CDH23: variants seen among roughly 807,000 people sequenced by gnomAD.
The protein encoded by CDH23 is cadherin-23.
Under a neutral mutation model 317.1 loss-of-function variants are expected in CDH23, and 189 were observed. The ratio of observed to expected loss-of-function variants is 0.60; its 90% confidence interval spans 0.53 to 0.67. CDH23 has a LOEUF of 0.67. Among genes scored for constraint, CDH23 ranks in the 30% least tolerant of loss-of-function variants. CDH23 has a pLI of 0.00. For missense variants in CDH23, 4,401 were observed against 4,592.4 expected (o/e 0.96, Z 1.20); for synonymous variants, 1,839 against 1,876.8 (o/e 0.98, Z 0.52).
intron 11 of CDH23, among the ~76,000 whole-genome samples, chr10:71,631,289 A>T (rs1167686885): frequency 6.6e-6 from 1 of 152,200 alleles, no homozygotes; most frequent in Non-Finnish European, 1.5e-5. Flanking sequence ...AGCTGGGTTC[A>T]CTTGGGAAAG....
chr10:71,469,465 C>T (rs755498517), intron 3 of CDH23, among the ~76,000 whole-genome samples: 2 of 152,190 alleles, frequency 1.3e-5, no homozygotes, highest in Non-Finnish European at 2.9e-5. Flanking sequence ...TTGTGTATAA[C>T]CACAGTTTAT....
Position 71,637,275 on chromosome 10 carries a change from C to G in CDH23, c.1135-6586C>G, listed in dbSNP as rs370531872. On this transcript the variant is annotated intron_variant, in intron 11 of 69. Transcript: ENST00000224721. ...ACGCCCAGGGTGGGACTGGTGGGTC[C>G]CGTCACCCAAGCCTTTGCCCTTCTC... Among the ~76,000 whole-genome samples, 205 of 152,222 alleles carry G rather than the reference C, an allele frequency of 1.3e-3. 9 individuals carry two copies. The South Asian group carries it at 0.04, about 30-fold the overall frequency.
chr10:71,557,634 A>G (rs576416389), intron 6 of CDH23, among the ~76,000 whole-genome samples: 5 of 152,176 alleles, frequency 3.3e-5, no homozygotes, highest in African/African-American at 7.2e-5. Flanking sequence ...CGTTCATGCT[A>G]TGCTTTTGTT....
chr10:71,504,477 G>A (rs1056908940), intron 3 of CDH23, among the ~76,000 whole-genome samples: 1 of 152,184 alleles, frequency 6.6e-6, no homozygotes, highest in East Asian at 1.9e-4. Context: ...TACTTGGATC[G>A]CTTCCCCCTT....
chr10:71,463,052 G>C (rs1851083110), intron 3 of CDH23, among the ~76,000 whole-genome samples: 1 of 152,234 alleles, frequency 6.6e-6, no homozygotes, highest in Non-Finnish European at 1.5e-5. Flanking sequence ...GAATGCCATG[G>C]GGAGGGGGGC....
intron 21 of CDH23, among the ~76,000 whole-genome samples, chr10:71,694,590 G>A (rs1865307158): frequency 6.6e-6 from 1 of 152,204 alleles, no homozygotes; most frequent in Non-Finnish European, 1.5e-5. Context: ...CAACAAAGCA[G>A]AAGCAGGCAT....
intron 38 of CDH23, chr10:71,747,729 A>G (rs968315287): frequency 6.6e-6 from 1 of 152,264 alleles, no homozygotes; most frequent in African/African-American, 2.4e-5. Context: ...CAAGTATTCT[A>G]ACAGAAAAGG....
intron 27 of CDH23, 128 bp from the exon 28 acceptor site, chr10:71,712,537 C>A: frequency 9.9e-7 from 1 of 1,014,276 alleles, no homozygotes; most frequent in Non-Finnish European, 1.4e-6. Flanking sequence ...TCACCCCTTG[C>A]AAAGGCTAGG....
chr10:71,444,160 C>A (rs1162049497), intron 2 of CDH23, among the ~76,000 whole-genome samples: 2 of 152,264 alleles, frequency 1.3e-5, no homozygotes, highest in Non-Finnish European at 2.9e-5. Flanking sequence ...CCGTCGGCTG[C>A]AAAGGCAGCG....
chr10:71,427,333 T>C (rs1384578457), intron 1 of CDH23, among the ~76,000 whole-genome samples: 1 of 151,224 alleles, frequency 6.6e-6, no homozygotes, highest in Admixed American at 6.6e-5. Flanking sequence ...CCCCAGCCCC[T>C]GGCAACCACA....
intron 38 of CDH23, among the ~76,000 whole-genome samples, chr10:71,772,584 G>C (rs905616775): frequency 2.6e-5 from 4 of 152,208 alleles, no homozygotes; most frequent in African/African-American, 9.6e-5. Flanking sequence ...GGGGAAAATG[G>C]TGCTTCCCTG....
intron 28 of CDH23, among the ~76,000 whole-genome samples, chr10:71,722,382 G>A (rs1397885272): frequency 6.6e-6 from 1 of 152,214 alleles, no homozygotes; most frequent in Non-Finnish European, 1.5e-5. Flanking sequence ...AGGCACAGAT[G>A]GGCTCCTGGA....
At chr10:71,691,414 GGTTGCTA>G (rs35513527) in intron 20 of CDH23, among the ~76,000 whole-genome samples, 75,131 of 151,518 alleles carry the variant, frequency 0.5, 18,838 homozygotes, top group South Asian at 0.66. Flanking sequence ...GACCTCATGA[GGTTGCTA>G]GTCAGCTCAG....
At position 71,810,544 on chromosome 10, in the gene CDH23, A is replaced by G. The variant is rs771429746; in HGVS notation, c.9052A>G (p.Thr3018Ala). 1 of 1,613,992 alleles carries G rather than the reference A, an allele frequency of 6.2e-7. No homozygotes were observed. The highest frequency in any genetic ancestry group is 8.5e-7 in the Non-Finnish European group (1 of 1,179,858). The change falls in exon 62 of 70, where the codon ACC becomes GCC. Residue 3018 changes from threonine (T) to alanine (A), a missense_variant. Physicochemically the swap from Thr to Ala is moderately conservative, Grantham distance 58. Transcript: ENST00000224721. ...ELLIHVVNRD[T>A]NRILDVDRVI... Reference sequence around the variant, plus strand: ...GCTTATCCACGTGGTGAACCGCGATACCAACCGCATCCTGGACGTGGACCG... The same window carrying G: ...GCTTATCCACGTGGTGAACCGCGATGCCAACCGCATCCTGGACGTGGACCG...
At chr10:71,398,537 G>T (rs957830043) in intron 1 of CDH23, among the ~76,000 whole-genome samples, 3 of 151,616 alleles carry the variant, frequency 2.0e-5, no homozygotes, top group Admixed American at 1.3e-4. Flanking sequence ...GGTGGGGCGG[G>T]CTTTAAGAAC....
chr10:71,762,473 G>A (rs576831616), intron 38 of CDH23, among the ~76,000 whole-genome samples: 2 of 152,366 alleles, frequency 1.3e-5, no homozygotes, highest in East Asian at 3.9e-4. Context: ...TCCTTGCCAG[G>A]GAGCACTAAG....
At chr10:71,457,771 A>T (rs1039712443) in intron 3 of CDH23, among the ~76,000 whole-genome samples, 1 of 152,216 alleles carries the variant, frequency 6.6e-6, no homozygotes, top group Admixed American at 6.5e-5. Flanking sequence ...TCCTTGCTGG[A>T]TATACTATGC....
intron 9 of CDH23, among the ~76,000 whole-genome samples, chr10:71,594,477 A>G (rs1344087180): frequency 6.6e-6 from 1 of 152,052 alleles, no homozygotes; most frequent in Non-Finnish European, 1.5e-5. Context: ...GAGTTCAAGC[A>G]ATTCTCCTGC....
At position 71,694,240 on chromosome 10, in the gene CDH23, A is replaced by G; in HGVS notation, c.2270A>G (p.Gln757Arg). The part of the protein sequence containing the change: ...RAVDGGVGHN[Q>R]KTGIATVNIT... ...GTGGACGGGGGTGTGGGCCACAACC[A>G]GAAAACTGGCATCGCCACCGTGAGT... Residue 757 changes from glutamine to arginine, a missense_variant, in exon 21 of 70, where the codon CAG becomes CGG. Physicochemically the swap from Gln to Arg is conservative, Grantham distance 43. Transcript: ENST00000224721. The G allele has an allele frequency of 1.9e-6, 3 of 1,612,674 alleles. No individual in the cohort carries two copies. The highest frequency in any genetic ancestry group is 2.5e-6 in the Non-Finnish European group (3 of 1,179,280).
Sources: allele counts gnomAD v4.1 joint callset (sites outside exome capture counted in the v4.1 genomes callset), GRCh38; gene constraint gnomAD v4.1.1; transcripts MANE v1.5; gene names NCBI Gene and HGNC (gene_info 2026-07-23, HGNC 2026-07-21).